CSGALNACT1: variants seen among roughly 807,000 people sequenced by gnomAD.
CSGALNACT1 encodes beta4GalNAcT-1.
CSGALNACT1 carries 52 observed loss-of-function variants against 51.0 expected under a neutral mutation model. The ratio of observed to expected loss-of-function variants is 1.02; its 90% confidence interval spans 0.82 to 1.29. The LOEUF (loss-of-function observed/expected upper bound fraction) is 1.29. Among genes scored for constraint, CSGALNACT1 ranks in the 50% most tolerant of loss-of-function variants. The pLI is 0.00. For synonymous variants in CSGALNACT1, 341 were observed against 254.4 expected, an observed-to-expected ratio of 1.34 and a Z score of -3.24; for missense variants, 935 against 679.2, an observed-to-expected ratio of 1.38 and a Z score of -4.19.
In CSGALNACT1 at chr8:19,482,638, T is replaced by A. The variant is rs932573477; in HGVS notation, c.634+22563A>T. On this transcript the variant is annotated intron_variant, in intron 4 of 9. Transcript: ENST00000454498. The stretch of plus-strand genomic sequence containing the variant: ...CCCTCTTTGGCTGTTCCTTTATAAT[T>A]TCCATCACGGGTGCCCTTCCTCTGC... 2.0e-5 allele frequency among the ~76,000 whole-genome samples: 3 copies of A among 152,264 alleles called. No homozygotes were observed. The East Asian group carries it at 5.8e-4, about 29-fold the overall frequency.
chr8:19,585,925 G>A (rs945652155), intron 3 of CSGALNACT1, among the ~76,000 whole-genome samples: 13 of 152,300 alleles, frequency 8.5e-5, no homozygotes, highest in African/African-American at 3.1e-4. Context: ...GTCCAGATTT[G>A]CAATGGAACT....
At chr8:19,461,167 A>T (rs1483058328) in intron 4 of CSGALNACT1, among the ~76,000 whole-genome samples, 1 of 152,236 alleles carries the variant, frequency 6.6e-6, no homozygotes, top group Non-Finnish European at 1.5e-5. Flanking sequence ...AAAGATTTCA[A>T]AGTCCCAGAG....
chr8:19,541,344 G>A (rs1288558662), intron 3 of CSGALNACT1, among the ~76,000 whole-genome samples: 3 of 147,606 alleles, frequency 2.0e-5, no homozygotes, highest in African/African-American at 5.0e-5. Flanking sequence ...TCTGCCTCCT[G>A]GGTTCATGCC....
intron 1 of CSGALNACT1, among the ~76,000 whole-genome samples, chr8:19,749,620 C>G (rs946834436): frequency 6.6e-6 from 1 of 152,164 alleles, no homozygotes; most frequent in African/African-American, 2.4e-5. Flanking sequence ...AAAGACCATC[C>G]CTGATCTAAC....
At chr8:19,544,286 C>A (rs1466181093) in intron 3 of CSGALNACT1, among the ~76,000 whole-genome samples, 1 of 151,946 alleles carries the variant, frequency 6.6e-6, no homozygotes, top group Admixed American at 6.6e-5. Context: ...TTTCTCTAAT[C>A]CAATCTTAAG....
At chr8:19,424,257 G>C (rs1052350751) in intron 6 of CSGALNACT1, among the ~76,000 whole-genome samples, 2 of 152,174 alleles carry the variant, frequency 1.3e-5, no homozygotes, top group Non-Finnish European at 2.9e-5. Flanking sequence ...AAGGCCCAGA[G>C]TGCTAACTCT....
intron 3 of CSGALNACT1, among the ~76,000 whole-genome samples, chr8:19,508,712 T>C (rs1482295598): frequency 6.6e-6 from 1 of 152,226 alleles, no homozygotes; most frequent in African/African-American, 2.4e-5. Flanking sequence ...GAAACAAAAA[T>C]GGAGTAGTCA....
chr8:19,609,395 T>C (rs1055657291), intron 1 of CSGALNACT1, among the ~76,000 whole-genome samples: 1 of 149,864 alleles, frequency 6.7e-6, no homozygotes, highest in African/African-American at 2.5e-5. Context: ...GAAACACAGA[T>C]GTTTCCTCAA....
intron 3 of CSGALNACT1, among the ~76,000 whole-genome samples, chr8:19,528,961 G>T (rs193012571): frequency 6.6e-6 from 1 of 152,260 alleles, no homozygotes; most frequent in East Asian, 1.9e-4. Flanking sequence ...TATGAGTAAT[G>T]GTTGTTAATG....
At chr8:19,539,866 A>T (rs1342295348) in intron 3 of CSGALNACT1, among the ~76,000 whole-genome samples, 1 of 152,096 alleles carries the variant, frequency 6.6e-6, no homozygotes, top group Non-Finnish European at 1.5e-5. Context: ...ATGGCCTTGG[A>T]GGGAGGGGGA....
chr8:19,432,553 T>G (rs1443483907), intron 6 of CSGALNACT1, among the ~76,000 whole-genome samples: 1 of 152,184 alleles, frequency 6.6e-6, no homozygotes, highest in Admixed American at 6.6e-5. Flanking sequence ...CTCCCATTAT[T>G]CATATGTTTG....
chr8:19,579,666 T>A (rs186834073), intron 3 of CSGALNACT1, among the ~76,000 whole-genome samples: 3 of 152,358 alleles, frequency 2.0e-5, no homozygotes, highest in African/African-American at 7.2e-5. Flanking sequence ...GGTTCTAGCA[T>A]GTTCAACACT....
intron 4 of CSGALNACT1, among the ~76,000 whole-genome samples, chr8:19,498,944 T>C (rs954786026): frequency 2.0e-5 from 3 of 151,976 alleles, no homozygotes; most frequent in Admixed American, 1.3e-4. Context: ...TGAGACCCCA[T>C]CTCTATCAAA....
intron 5 of CSGALNACT1, among the ~76,000 whole-genome samples, chr8:19,455,473 C>T (rs1288395803): frequency 6.6e-6 from 1 of 152,102 alleles, no homozygotes; most frequent in Non-Finnish European, 1.5e-5. Context: ...ATGTTAATTG[C>T]ATTTAATTAT....
chr8:19,578,759 C>G (rs961981572), intron 3 of CSGALNACT1, among the ~76,000 whole-genome samples: 14 of 152,282 alleles, frequency 9.2e-5, no homozygotes, highest in Admixed American at 8.5e-4. Flanking sequence ...GACCTTCTGA[C>G]GTCTGCCTCT....
intron 1 of CSGALNACT1, among the ~76,000 whole-genome samples, chr8:19,624,764 C>T (rs554006955): frequency 8.6e-5 from 13 of 152,026 alleles, no homozygotes; most frequent in South Asian, 8.3e-4. Flanking sequence ...CTGCAACTTC[C>T]GCCTCCCGGG....
intron 4 of CSGALNACT1, among the ~76,000 whole-genome samples, chr8:19,486,004 G>A (rs187446942): frequency 1.9e-3 from 293 of 151,756 alleles, no homozygotes; most frequent in African/African-American, 6.7e-3. Context: ...GACCTTGGGT[G>A]ATCCACCCAC....
chr8:19,571,830 G>T (rs1403009594), intron 3 of CSGALNACT1, among the ~76,000 whole-genome samples: 1 of 152,214 alleles, frequency 6.6e-6, no homozygotes, highest in Non-Finnish European at 1.5e-5. Context: ...GACAAGGGCT[G>T]CCTGGAAAGC....
intron 4 of CSGALNACT1, among the ~76,000 whole-genome samples, chr8:19,473,557 T>G (rs1322226735): frequency 1.3e-5 from 2 of 152,208 alleles, no homozygotes; most frequent in African/African-American, 4.8e-5. Context: ...ACTGACTTTC[T>G]ACCACCTTAA....
Sources: allele counts gnomAD v4.1 joint callset (sites outside exome capture counted in the v4.1 genomes callset), GRCh38; gene constraint gnomAD v4.1.1; transcripts MANE v1.5; gene names NCBI Gene and HGNC (gene_info 2026-07-23, HGNC 2026-07-21).